The following SND1 variants were observed in gnomAD, a reference collection of about 807,000 sequenced individuals.
SND1 encodes the protein staphylococcal nuclease and tudor domain containing 1.
In SND1, 38 loss-of-function variants were observed where a neutral mutation model predicts 121.7. The observed-to-expected ratio is 0.31, with a 90% CI of 0.24 to 0.41. The LOEUF (loss-of-function observed/expected upper bound fraction) is 0.41, where lower values mean the gene tolerates loss of function less well. Ranked by LOEUF, SND1 falls within the 10% of genes least tolerant of loss-of-function variation. The pLI, the probability that SND1 is intolerant of heterozygous loss-of-function variation, is 1.00. For synonymous variants in SND1, 401 were observed against 447.4 expected, an observed-to-expected ratio of 0.90 and a Z score of 1.31; for missense variants, 868 against 1,184.6, an observed-to-expected ratio of 0.73 and a Z score of 3.92.
intron 12 of SND1, 43 bp downstream of exon 12, chr7:127,844,467 A>C (rs886458813): frequency 1.4e-6 from 2 of 1,463,654 alleles, no homozygotes; most frequent in Non-Finnish European, 1.9e-6. Flanking sequence ...CATCTCAAGT[A>C]GCTAAGAGTT....
intron 15 of SND1, among the ~76,000 whole-genome samples, chr7:127,958,142 C>T (rs1208254491): frequency 6.6e-6 from 1 of 152,190 alleles, no homozygotes; most frequent in Non-Finnish European, 1.5e-5. Flanking sequence ...CTGCTGAAAG[C>T]TAAGTAGTAT....
chr7:127,672,590 G>A (rs1382462982), intron 1 of SND1, among the ~76,000 whole-genome samples: 1 of 151,582 alleles, frequency 6.6e-6, no homozygotes, highest in East Asian at 1.9e-4. Flanking sequence ...TCCAGCCTGG[G>A]CGACAGAGCA....
At chr7:127,719,551 C>G (rs933910642) in intron 9 of SND1, among the ~76,000 whole-genome samples, 1 of 152,080 alleles carries the variant, frequency 6.6e-6, no homozygotes, top group Non-Finnish European at 1.5e-5. Flanking sequence ...GGTTCTGGCT[C>G]TCTGGGTTTT....
rs991012251 is a variant in SND1, at chr7:128,029,693, T to C, written c.1779+38637T>C. On this transcript the variant is annotated intron_variant, in intron 16 of 23. Coordinates refer to ENST00000354725, the MANE Select transcript of SND1 (RefSeq NM_014390.4). The surrounding 1 kb of genome is among the most constrained non-coding windows in gnomAD (Gnocchi z 4.2). ...AGGTGGAATTGGTGGGTATATACTC[T>C]CGAAGCCACCAGGCTAGCCACAGAA... 1.1e-5 allele frequency: 17 copies of C among 1,613,782 alleles called. No individual in the cohort carries two copies. Among genetic ancestry groups the C allele is most frequent in the Non-Finnish European group, 1.4e-5 (17 of 1,180,010 alleles).
chr7:127,735,455 G>A (rs1455928101), intron 10 of SND1, among the ~76,000 whole-genome samples: 2 of 152,140 alleles, frequency 1.3e-5, no homozygotes, highest in African/African-American at 2.4e-5. Flanking sequence ...GCTCATGCCT[G>A]TAATCCTAGC....
intron 10 of SND1, among the ~76,000 whole-genome samples, chr7:127,745,059 C>G (rs1377966646): frequency 6.6e-6 from 1 of 152,144 alleles, no homozygotes; most frequent in Non-Finnish European, 1.5e-5. Flanking sequence ...TATAAACATC[C>G]TTGGTAAGTA....
Position 127,852,969 on chromosome 7 carries a change from A to C in SND1, c.1343+8545A>C, listed in dbSNP as rs148290813. Among the ~76,000 whole-genome samples, 141 of 152,232 alleles carry C rather than the reference A, an allele frequency of 9.3e-4. 1 individual carries two copies. In the East Asian group the frequency reaches 0.024, roughly 26 times the overall value. On this transcript the variant is annotated intron_variant, in intron 12 of 23. Transcript: ENST00000354725. ...GCATTTATGAAGGAACAACTTTACT[A>C]TTTGGGGTAGGCATGGCATTTCTCT...
At chr7:127,750,340 C>T (rs1797067195) in intron 10 of SND1, among the ~76,000 whole-genome samples, 1 of 152,142 alleles carries the variant, frequency 6.6e-6, no homozygotes, top group African/African-American at 2.4e-5. Context: ...AGCTGGACCA[C>T]TGGTTGGAAT....
chr7:127,707,710 A>C (rs946359932), intron 9 of SND1, 63 bp downstream of exon 9: 2 of 1,383,276 alleles, frequency 1.4e-6, no homozygotes, highest in Non-Finnish European at 2.1e-6. Flanking sequence ...ATAATACAAG[A>C]ATTTGAACAA....
At chr7:127,889,019 A>G (rs959519482) in intron 13 of SND1, among the ~76,000 whole-genome samples, 1 of 152,134 alleles carries the variant, frequency 6.6e-6, no homozygotes, top group Non-Finnish European at 1.5e-5. Flanking sequence ...ATCCTGATGG[A>G]TAGAGCATCT....
At chr7:127,814,514 A>G (rs1436881170) in intron 11 of SND1, among the ~76,000 whole-genome samples, 1 of 152,068 alleles carries the variant, frequency 6.6e-6, no homozygotes, top group Non-Finnish European at 1.5e-5. Context: ...TCATTTGGAA[A>G]GGAAACCTGA....
At chr7:127,767,950 AC>A (rs2116491828) in intron 10 of SND1, among the ~76,000 whole-genome samples, 1 of 152,334 alleles carries the variant, frequency 6.6e-6, no homozygotes, top group African/African-American at 2.4e-5. Context: ...TGCAGAATAA[AC>A]ACATTCACAG....
intron 2 of SND1, among the ~76,000 whole-genome samples, chr7:127,694,318 A>G (rs946938421): frequency 2.6e-5 from 4 of 152,324 alleles, no homozygotes; most frequent in African/African-American, 9.6e-5. Context: ...AGGCTAGTTT[A>G]ATAGGCAGTG....
chr7:128,006,754 G>A (rs764543069), intron 16 of SND1, among the ~76,000 whole-genome samples: 1 of 152,312 alleles, frequency 6.6e-6, no homozygotes, highest in Non-Finnish European at 1.5e-5. Flanking sequence ...AGAAACTCCT[G>A]CCTATGTAGA....
intron 10 of SND1, among the ~76,000 whole-genome samples, chr7:127,790,737 A>T (rs1797892572): frequency 6.6e-6 from 1 of 152,194 alleles, no homozygotes; most frequent in African/African-American, 2.4e-5. Context: ...ATGTATTACG[A>T]GAATACAGGA....
chr7:127,895,490 A>C (rs914888767), intron 13 of SND1, among the ~76,000 whole-genome samples: 16 of 152,040 alleles, frequency 1.1e-4, no homozygotes, highest in Non-Finnish European at 5.9e-5. Context: ...TTGGAAATGC[A>C]CACCCCACCC....
chr7:127,690,990 C>T, intron 2 of SND1, among the ~76,000 whole-genome samples: 1 of 152,214 alleles, frequency 6.6e-6, no homozygotes, highest in East Asian at 1.9e-4. Context: ...CATCTCTTCA[C>T]TGTTCCAAGC....
chr7:127,916,073 G>A (rs992184663), intron 14 of SND1, among the ~76,000 whole-genome samples: 3 of 151,640 alleles, frequency 2.0e-5, no homozygotes, highest in Non-Finnish European at 4.4e-5. Flanking sequence ...TAGAGAGAGA[G>A]AGAGTTAGCT....
At chr7:127,667,113 A>G (rs1444318422) in intron 1 of SND1, among the ~76,000 whole-genome samples, 1 of 152,202 alleles carries the variant, frequency 6.6e-6, no homozygotes, top group East Asian at 1.9e-4. Context: ...CATGCTTCTC[A>G]TGAGTATCAT....
Sources: gnomAD v4.1 joint callset for allele counts (sites outside exome capture counted in the v4.1 genomes callset) on GRCh38, gnomAD v4.1.1 for gene constraint, Gnocchi (gnomAD v3.1) non-coding constraint, MANE v1.5 for transcripts, NCBI Gene and HGNC (gene_info 2026-07-23, HGNC 2026-07-21) for gene names.